The following TTC7A variants were observed in gnomAD, a reference collection of about 807,000 sequenced individuals.
TTC7A encodes the protein tetratricopeptide repeat domain 7A.
A neutral mutation model predicts 103.7 loss-of-function variants in TTC7A; 110 were observed. That is an observed-to-expected ratio of 1.06 (90% CI 0.91 to 1.24). The LOEUF (loss-of-function observed/expected upper bound fraction) is 1.24, where lower values mean the gene tolerates loss of function less well. Ranked by LOEUF, TTC7A falls within the 50% of genes most tolerant of loss-of-function variation. The pLI is 0.00. For synonymous variants in TTC7A, 521 were observed against 467.9 expected (o/e 1.11, Z -1.47); for missense variants, 1,340 against 1,116.3 (o/e 1.20, Z -2.86).
intron 11 of TTC7A, among the ~76,000 whole-genome samples, chr2:47,016,861 C>T (rs1027663690): frequency 6.6e-6 from 1 of 151,992 alleles, no homozygotes; most frequent in Admixed American, 6.6e-5. Flanking sequence ...TTTTCCAGAT[C>T]GCAGGTGGGG....
chr2:46,929,343 T>C (rs1669571790), intron 2 of TTC7A, among the ~76,000 whole-genome samples: 1 of 151,984 alleles, frequency 6.6e-6, no homozygotes, highest in African/African-American at 2.4e-5. Context: ...AAAAACTACC[T>C]GGCTGTGGTG....
intron 7 of TTC7A, 28 bp downstream of exon 7, chr2:46,994,542 T>G: frequency 6.2e-7 from 1 of 1,610,954 alleles, no homozygotes; most frequent in East Asian, 2.2e-5. Context: ...TGCTGCACCT[T>G]GCCAGTCTCA....
intron 14 of TTC7A, among the ~76,000 whole-genome samples, chr2:47,027,664 G>C (rs1004282480): frequency 3.9e-5 from 6 of 152,328 alleles, no homozygotes; most frequent in African/African-American, 9.6e-5. Context: ...TTGCCAAAAC[G>C]AGCAGGATCA....
upstream of TTC7A, among the ~76,000 whole-genome samples, chr2:46,937,679 T>C (rs1254539504): frequency 6.6e-6 from 1 of 152,140 alleles, no homozygotes; most frequent in East Asian, 1.9e-4. This position sits in a 1 kb window ranked among gnomAD's most constrained non-coding sequence, Gnocchi z 4.0. Context: ...CTCAAGTGAT[T>C]CTCCCACCTC....
chr2:47,049,952 C>T lies in TTC7A; in HGVS notation c.1923C>T (p.Gly641=), dbSNP rs1682706768. ...CTGGCCCTCTTTTGCCTTCCAGAGG[C>T]CTAGAAAAGGATGGCAGCTTCGGTG... ...QTLYSFSQLG[G]LEKDGSFGEG... Residue 641 remains glycine (G), a synonymous_variant, in exon 17 of 20, where the codon GGC becomes GGT. Transcript: ENST00000319190. The T allele has an allele frequency of 6.2e-7, 1 of 1,613,852 alleles. No homozygotes were observed.
intron 7 of TTC7A, among the ~76,000 whole-genome samples, 179 bp downstream of exon 7, chr2:46,994,693 C>G (rs1003315477): frequency 1.3e-5 from 2 of 152,168 alleles, no homozygotes; most frequent in Admixed American, 6.5e-5. Context: ...GTGTTGGGGT[C>G]CAGGTTGTGG....
chr2:47,022,907 G>T (rs748463923), intron 12 of TTC7A, among the ~76,000 whole-genome samples: 3 of 152,232 alleles, frequency 2.0e-5, no homozygotes, highest in Non-Finnish European at 4.4e-5. Flanking sequence ...TTCTGATCAG[G>T]TTTGGGAGGG....
chr2:47,012,509 G>A (rs545973438), intron 11 of TTC7A, among the ~76,000 whole-genome samples: 1 of 152,206 alleles, frequency 6.6e-6, no homozygotes, highest in East Asian at 1.9e-4. Flanking sequence ...TGCCCAGCTT[G>A]TTTTAAGGCA....
intron 8 of TTC7A, among the ~76,000 whole-genome samples, chr2:47,002,658 A>C (rs558043740): frequency 2.6e-5 from 4 of 152,090 alleles, no homozygotes; most frequent in Admixed American, 6.5e-5. Flanking sequence ...CTCAGAGGCT[A>C]GCCCTGGCCC....
intron 11 of TTC7A, among the ~76,000 whole-genome samples, chr2:47,013,822 G>A (rs1240453735): frequency 6.6e-6 from 1 of 152,194 alleles, no homozygotes; most frequent in Non-Finnish European, 1.5e-5. Context: ...CAGAATCGAG[G>A]AGAAGGGTGA....
intron 19 of TTC7A, among the ~76,000 whole-genome samples, chr2:47,065,565 G>A (rs1160478846): frequency 6.6e-6 from 1 of 152,178 alleles, no homozygotes; most frequent in African/African-American, 2.4e-5. Context: ...AGGGGAGGAG[G>A]AACACCCTTA....
intron 5 of TTC7A, among the ~76,000 whole-genome samples, chr2:46,979,487 C>A (rs1674223719): frequency 6.6e-6 from 1 of 152,096 alleles, no homozygotes; most frequent in Non-Finnish European, 1.5e-5. Flanking sequence ...GTCTTGAGGT[C>A]CCTGGAATAC....
chr2:47,068,843 G>C (rs1395758980), intron 19 of TTC7A, among the ~76,000 whole-genome samples: 1 of 127,758 alleles, frequency 7.8e-6, no homozygotes, highest in Non-Finnish European at 1.6e-5. Context: ...GCTTAATTAA[G>C]CTCCAGAATC....
In TTC7A at chr2:47,060,946, A is replaced by G. The variant is rs778511098; in HGVS notation, c.2330A>G (p.Asp777Gly). 1.3e-5 allele frequency: 21 copies of G among 1,613,494 alleles called. No individual in the cohort carries two copies. The highest frequency in any genetic ancestry group is 1.5e-5 in the Non-Finnish European group (18 of 1,179,824). Residue 777 changes from aspartate to glycine, a missense_variant, in exon 19 of 20, where the codon GAT becomes GGT. Asp to Gly is a moderately conservative substitution (Grantham distance 94, BLOSUM62 -1). Transcript: ENST00000319190. Reference sequence around the variant, plus strand: ...AAGGAGGCGCTCACGGTGAACCCAGATGGCGTGCGCATCATGCATAGCCTG... The same window carrying G: ...AAGGAGGCGCTCACGGTGAACCCAGGTGGCGTGCGCATCATGCATAGCCTG... ...LYKEALTVNP[D>G]GVRIMHSLGL... is the part of the protein sequence containing the mutation.
At chr2:46,938,081 G>A (rs1364561769), upstream of TTC7A, among the ~76,000 whole-genome samples, 1 of 152,028 alleles carries the variant, frequency 6.6e-6, no homozygotes, top group Non-Finnish European at 1.5e-5. Context: ...GATTTATTAT[G>A]CAAACAAAAA....
intron 5 of TTC7A, among the ~76,000 whole-genome samples, chr2:46,988,622 G>A (rs1292448433): frequency 6.6e-6 from 1 of 152,208 alleles, no homozygotes; most frequent in Non-Finnish European, 1.5e-5. Context: ...AACACTTACT[G>A]TGTGCAGAAT....
chr2:47,030,160 A>G (rs1680377280), intron 15 of TTC7A, among the ~76,000 whole-genome samples: 1 of 152,226 alleles, frequency 6.6e-6, no homozygotes, highest in South Asian at 2.1e-4. Context: ...GTTCCACCTT[A>G]GGGTCTGAAG....
chr2:47,008,858 C>CT (rs1293230949), intron 10 of TTC7A, among the ~76,000 whole-genome samples: 1 of 151,298 alleles, frequency 6.6e-6, no homozygotes, highest in East Asian at 1.9e-4. Flanking sequence ...CTCTTGCTCT[C>CT]TGTGCGGCAA....
chr2:46,960,551 C>T (rs1370200358), intron 3 of TTC7A, among the ~76,000 whole-genome samples: 1 of 151,350 alleles, frequency 6.6e-6, no homozygotes, highest in East Asian at 2.0e-4. Flanking sequence ...GGGCCCTCCC[C>T]AAACTCACTG....
Sources: allele counts gnomAD v4.1 joint callset (sites outside exome capture counted in the v4.1 genomes callset), GRCh38; gene constraint gnomAD v4.1.1; non-coding constraint Gnocchi (gnomAD v3.1); transcripts MANE v1.5; gene names NCBI Gene and HGNC (gene_info 2026-07-23, HGNC 2026-07-21).